ANTXR1: variants seen among roughly 807,000 people sequenced by gnomAD.
ANTXR1 encodes anthrax toxin receptor 1.
Under a neutral mutation model 78.1 loss-of-function variants are expected in ANTXR1, and 19 were observed. The observed-to-expected ratio is 0.24, with a 90% CI of 0.17 to 0.36. The LOEUF (loss-of-function observed/expected upper bound fraction) is 0.36. Among genes scored for constraint, ANTXR1 ranks in the 10% least tolerant of loss-of-function variants. The pLI is 1.00. For missense variants in ANTXR1, 518 were observed against 718.6 expected (o/e 0.72, Z 3.19); for synonymous variants, 273 against 260.5 (o/e 1.05, Z -0.46).
At chr2:69,036,892 C>G (rs914797566) in intron 1 of ANTXR1, among the ~76,000 whole-genome samples, 6 of 152,198 alleles carry the variant, frequency 3.9e-5, no homozygotes, top group Admixed American at 3.3e-4. Flanking sequence ...GGATGGCACC[C>G]TGGACCAGTC....
At chr2:69,214,615 C>A (rs1675133556) in intron 17 of ANTXR1, among the ~76,000 whole-genome samples, 1 of 152,216 alleles carries the variant, frequency 6.6e-6, no homozygotes, top group Non-Finnish European at 1.5e-5. Context: ...TGTCTCTCCC[C>A]TGTTTCTCCA....
At chr2:69,051,149 G>A (rs974343345) in intron 3 of ANTXR1, among the ~76,000 whole-genome samples, 2 of 152,044 alleles carry the variant, frequency 1.3e-5, no homozygotes, top group Non-Finnish European at 2.9e-5. Flanking sequence ...AGCTGGGCAT[G>A]TTGGTGCGCA....
At chr2:69,173,823 A>G (rs1001336761) in intron 14 of ANTXR1, among the ~76,000 whole-genome samples, 3 of 152,178 alleles carry the variant, frequency 2.0e-5, no homozygotes, top group Non-Finnish European at 4.4e-5. Flanking sequence ...ACACAGACCT[A>G]CATATGAAGT....
At chr2:69,134,699 A>G (rs1204094955) in intron 12 of ANTXR1, among the ~76,000 whole-genome samples, 1 of 152,210 alleles carries the variant, frequency 6.6e-6, no homozygotes, top group Non-Finnish European at 1.5e-5. Flanking sequence ...TGAATCTAAG[A>G]GAGCTCTGTT....
intron 10 of ANTXR1, among the ~76,000 whole-genome samples, chr2:69,105,423 C>T (rs1671776894): frequency 6.6e-6 from 1 of 152,196 alleles, no homozygotes; most frequent in Non-Finnish European, 1.5e-5. Flanking sequence ...CTCAAGCATA[C>T]AGCTATTAAA....
chr2:69,149,664 T>C (rs553308189), intron 12 of ANTXR1, among the ~76,000 whole-genome samples: 3 of 152,346 alleles, frequency 2.0e-5, no homozygotes, highest in Admixed American at 2.0e-4. Flanking sequence ...ATGCTCACCA[T>C]GTTTTTTACC....
intron 17 of ANTXR1, among the ~76,000 whole-genome samples, chr2:69,229,285 T>C (rs77816630): frequency 0.08 from 12,163 of 152,176 alleles, 723 homozygotes; most frequent in Non-Finnish European, 0.12. Flanking sequence ...AATATTCCAT[T>C]TTGGGGAAAA....
chr2:69,054,021 C>A (rs1022546322), intron 3 of ANTXR1, among the ~76,000 whole-genome samples: 2 of 151,966 alleles, frequency 1.3e-5, no homozygotes, highest in Non-Finnish European at 2.9e-5. Context: ...CATATATATG[C>A]GTATGTGTTT....
At position 69,013,475 on chromosome 2, in the gene ANTXR1, C is replaced by T; in HGVS notation, c.-25C>T. ...TTCGCGGAGCGTGGGAAGGAGCGGA[C>T]CCTGCTCTCCCCGGGCTGCGGGCCA... On this transcript the variant is annotated 5_prime_UTR_variant, in exon 1 of 18. Coordinates refer to ENST00000303714, the MANE Select transcript of ANTXR1 (RefSeq NM_032208.3). The surrounding 1 kb of genome is among the most constrained non-coding windows in gnomAD (Gnocchi z 5.0). The T allele has an allele frequency of 1.3e-6, 2 of 1,584,052 alleles. No homozygotes were observed. Among genetic ancestry groups the T allele is most frequent in the South Asian group, 1.2e-5 (1 of 86,304 alleles).
At chr2:69,015,664 G>T (rs1420436545) in intron 1 of ANTXR1, among the ~76,000 whole-genome samples, 3 of 151,972 alleles carry the variant, frequency 2.0e-5, no homozygotes, top group Non-Finnish European at 4.4e-5. Flanking sequence ...TAATTTAGAT[G>T]AATATTACTG....
intron 1 of ANTXR1, among the ~76,000 whole-genome samples, chr2:69,024,390 AT>A (rs914454064): frequency 6.6e-6 from 1 of 152,226 alleles, no homozygotes; most frequent in Non-Finnish European, 1.5e-5. Flanking sequence ...GGATTTTTAA[AT>A]GCCCAGAAGA....
At chr2:69,243,624 G>A (rs754103836) in intron 17 of ANTXR1, among the ~76,000 whole-genome samples, 21 of 152,126 alleles carry the variant, frequency 1.4e-4, no homozygotes, top group Non-Finnish European at 2.8e-4. Flanking sequence ...TTTTCCTCTT[G>A]TCCTAGAGCT....
intron 1 of ANTXR1, among the ~76,000 whole-genome samples, chr2:69,015,030 C>T (rs1055912569): frequency 6.7e-6 from 1 of 148,194 alleles, no homozygotes; most frequent in Non-Finnish European, 1.5e-5. Context: ...CTCCTCCGTG[C>T]TTTTTTAAAA....
intron 9 of ANTXR1, among the ~76,000 whole-genome samples, chr2:69,091,833 A>C (rs1320573886): frequency 1.3e-5 from 2 of 152,234 alleles, no homozygotes; most frequent in Non-Finnish European, 2.9e-5. Context: ...TCTTCGAGTC[A>C]CAAGATTTTC....
chr2:69,087,725 C>A (rs975822948), intron 8 of ANTXR1, among the ~76,000 whole-genome samples: 2 of 152,140 alleles, frequency 1.3e-5, no homozygotes, highest in African/African-American at 4.8e-5. Flanking sequence ...ATCAGCGATT[C>A]CCCAGTGCTG....
At chr2:69,179,223 T>G (rs1384387137) in intron 14 of ANTXR1, among the ~76,000 whole-genome samples, 1 of 152,212 alleles carries the variant, frequency 6.6e-6, no homozygotes, top group African/African-American at 2.4e-5. Context: ...TGTTGGGGAC[T>G]TTATTTTGTT....
intron 14 of ANTXR1, among the ~76,000 whole-genome samples, chr2:69,176,812 G>A (rs1037441363): frequency 7.2e-5 from 11 of 152,208 alleles, no homozygotes; most frequent in Admixed American, 6.5e-4. Flanking sequence ...TTCTCTTTCA[G>A]TTATGTGCTC....
chr2:69,091,445 CAAAAAAAAAAAA>C (rs60795933), intron 9 of ANTXR1, among the ~76,000 whole-genome samples: 1 of 62,328 alleles, frequency 1.6e-5, no homozygotes, highest in Non-Finnish European at 2.9e-5. Flanking sequence ...GACACCATCT[CAAAAAAAAAAAA>C]AAAAAAAAAA....
intron 3 of ANTXR1, among the ~76,000 whole-genome samples, chr2:69,056,895 T>C (rs1034858090): frequency 6.6e-6 from 1 of 152,104 alleles, no homozygotes; most frequent in African/African-American, 2.4e-5. Context: ...GCCAGGCTGG[T>C]CTCAAACTCC....
Sources: gnomAD v4.1 joint callset for allele counts (sites outside exome capture counted in the v4.1 genomes callset) on GRCh38, gnomAD v4.1.1 for gene constraint, Gnocchi (gnomAD v3.1) non-coding constraint, MANE v1.5 for transcripts, NCBI Gene and HGNC (gene_info 2026-07-23, HGNC 2026-07-21) for gene names.